BCAS3: variants seen among roughly 807,000 people sequenced by gnomAD.
The protein encoded by BCAS3 is BCAS4/BCAS3 fusion.
BCAS3 carries 53 observed loss-of-function variants against 116.1 expected under a neutral mutation model. The ratio of observed to expected loss-of-function variants is 0.46; its 90% CI spans 0.37 to 0.57. The LOEUF (loss-of-function observed/expected upper bound fraction) is 0.57, where lower values mean the gene tolerates loss of function less well. BCAS3 is among the 20% of genes least tolerant of loss of function. The pLI is 0.00. For synonymous variants in BCAS3, 391 were observed against 408.2 expected (o/e 0.96, Z 0.51); for missense variants, 917 against 1,165.4 (o/e 0.79, Z 3.10).
Position 61,013,843 on chromosome 17 carries a change from C to A in BCAS3, c.1487-1908C>A, listed in dbSNP as rs973870005. Among the ~76,000 whole-genome samples the A allele has an allele frequency of 6.6e-6, 1 of 152,082 alleles. No homozygotes were observed. The highest frequency in any genetic ancestry group is 2.4e-5 in the African/African-American group (1 of 41,436). On this transcript the variant is annotated intron_variant, in intron 15 of 23. Transcript: ENST00000407086. The surrounding 1 kb of genome is among the most constrained non-coding windows in gnomAD (Gnocchi z 4.4). ...AGTAACATTTGGTTAAGCCACTATC[C>A]TAATTCTGAAGCCACTGTCATCTTG...
intron 9 of BCAS3, among the ~76,000 whole-genome samples, chr17:60,876,007 C>T (rs926877325): frequency 6.6e-6 from 1 of 151,968 alleles, no homozygotes; most frequent in African/African-American, 2.4e-5. Flanking sequence ...TTATTATCTA[C>T]GTCTGAAAGA....
In BCAS3 at chr17:60,877,191, TAC is replaced by T. The variant is rs906524905; in HGVS notation, c.661+2461_661+2462del. On this transcript the variant is annotated intron_variant, in intron 9 of 23. Transcript: ENST00000407086. ...AAGAAATGATATATATATATATATA[TAC>T]ACACACATATATACATATATATGCA... 1.1e-4 allele frequency among the ~76,000 whole-genome samples: 15 copies of T among 141,234 alleles called. 1 individual carries two copies. The highest frequency in any genetic ancestry group is 8.8e-5 in the African/African-American group (3 of 34,124). The allele number at this position is 141,234 out of a possible 152,430, so 92.7% of individuals were successfully genotyped here.
chr17:61,111,057 A>C (rs2143735205), intron 22 of BCAS3, among the ~76,000 whole-genome samples: 1 of 151,426 alleles, frequency 6.6e-6, no homozygotes, highest in South Asian at 2.1e-4. Flanking sequence ...AACAAACAGA[A>C]AGGACATCCA....
rs910739005 is a variant in BCAS3 at position 61,316,995 on chromosome 17, T to C, written c.2426-51332T>C. 6.6e-6 allele frequency among the ~76,000 whole-genome samples: 1 copy of C among 152,220 alleles called. No homozygotes were observed. Among genetic ancestry groups the C allele is most frequent in the African/African-American group, 2.4e-5 (1 of 41,454 alleles). ...CTCTCACCTCAGACACTGATGGTAC[T>C]ATTAGAGTTCGGGAGGCTTCAACAG... On this transcript the variant is annotated intron_variant, in intron 22 of 23. Transcript: ENST00000407086. The surrounding 1 kb of genome is among the most constrained non-coding windows in gnomAD (Gnocchi z 5.8).
intron 6 of BCAS3, among the ~76,000 whole-genome samples, chr17:60,780,461 C>T (rs957134859): frequency 6.6e-6 from 1 of 151,984 alleles, no homozygotes; most frequent in Non-Finnish European, 1.5e-5. Context: ...CGCCACCATG[C>T]CTGGCTAATT....
chr17:60,879,371 T>C (rs2055905550), intron 9 of BCAS3, among the ~76,000 whole-genome samples: 1 of 152,202 alleles, frequency 6.6e-6, no homozygotes, highest in Non-Finnish European at 1.5e-5. Context: ...TAGAGACAGC[T>C]GTGTCCATCA....
chr17:61,221,601 C>T (rs963500288), intron 22 of BCAS3, among the ~76,000 whole-genome samples: 1 of 152,140 alleles, frequency 6.6e-6, no homozygotes, highest in Non-Finnish European at 1.5e-5. Context: ...AGTCTGTTTC[C>T]CCTTCACTTT....
At chr17:60,753,511 G>A (rs1233876862) in intron 6 of BCAS3, among the ~76,000 whole-genome samples, 16 of 151,770 alleles carry the variant, frequency 1.1e-4, no homozygotes, top group South Asian at 1.0e-3. Context: ...CCGGGTTCCC[G>A]CCATTCTCCT....
rs547299875 is a variant in BCAS3, at chr17:60,829,459, A to G, written c.476+21383A>G. Among the ~76,000 whole-genome samples, 35 of 150,786 alleles carry G rather than the reference A, an allele frequency of 2.3e-4. No individual in the cohort carries two copies. In the South Asian group the frequency reaches 7.3e-3, roughly 32 times the overall value. On this transcript the variant is annotated intron_variant, in intron 7 of 23. Transcript: ENST00000407086. ...CAGTGAGCTGAGATCACGCCACTGC[A>G]CTCCAGCGTGGACAATAGAGCAAGA...
intron 6 of BCAS3, among the ~76,000 whole-genome samples, chr17:60,753,979 C>T (rs1416487342): frequency 1.3e-5 from 2 of 152,052 alleles, no homozygotes; most frequent in African/African-American, 2.4e-5. Flanking sequence ...ATCTAGAATG[C>T]TACTTTGTAT....
chr17:61,039,598 T>G lies in BCAS3; in HGVS notation c.1929-1194T>G, dbSNP rs575692375. On this transcript the variant is annotated intron_variant, in intron 18 of 23. Transcript: ENST00000407086. ...CCACCACGCCAGCTAATTTTTTGTA[T>G]TTTTACTAGAGACAGGGTTTCACTG... 1.1e-4 allele frequency among the ~76,000 whole-genome samples: 17 copies of G among 152,238 alleles called. No homozygotes were observed. The East Asian group carries it at 3.1e-3, about 28-fold the overall frequency.
chr17:61,330,072 C>G (rs1299710073), intron 22 of BCAS3, among the ~76,000 whole-genome samples: 2 of 152,230 alleles, frequency 1.3e-5, no homozygotes, highest in South Asian at 2.1e-4. Context: ...TCTAGATGCC[C>G]GGAGGTCTCT....
intron 5 of BCAS3, among the ~76,000 whole-genome samples, chr17:60,738,301 G>A (rs2041180742): frequency 6.6e-6 from 1 of 152,152 alleles, no homozygotes; most frequent in African/African-American, 2.4e-5. Flanking sequence ...AGATAGAGGG[G>A]TGTTAGAGTC....
At chr17:61,054,518 C>G (rs945298878) in intron 19 of BCAS3, among the ~76,000 whole-genome samples, 2 of 152,148 alleles carry the variant, frequency 1.3e-5, no homozygotes, top group Admixed American at 1.3e-4. Context: ...AGGTGTGCAC[C>G]ACCATGCCTG....
At chr17:60,685,946 T>A (rs567348074) in intron 3 of BCAS3, among the ~76,000 whole-genome samples, 71 of 152,036 alleles carry the variant, frequency 4.7e-4, no homozygotes, top group African/African-American at 1.7e-3. Context: ...CTTGGCTCAC[T>A]GCAAGCTCTG....
rs762948076 is a variant in BCAS3 at position 61,235,679 on chromosome 17, AAAG to A, written c.2426-132643_2426-132641del. Among the ~76,000 whole-genome samples the A allele has an allele frequency of 2.2e-5, 3 of 138,582 alleles. No individual in the cohort carries two copies. The highest frequency in any genetic ancestry group is 4.6e-5 in the Non-Finnish European group (3 of 64,802). 90.9% of individuals were successfully genotyped at this position (138,582 alleles called of 152,430 possible). A position where few individuals can be genotyped will look rare whatever the true frequency, so the allele number is the denominator to read the frequency against. On this transcript the variant is annotated intron_variant, in intron 22 of 23. Coordinates refer to ENST00000407086, the MANE Select transcript of BCAS3 (RefSeq NM_017679.5). This position sits in a 1 kb window ranked among gnomAD's most constrained non-coding sequence, Gnocchi z 5.0. ...ACCTTTAAACTTTGTTTGAACTTGG[AAAG>A]AAGACTTTTGAATTGTTTAAAAAAA... is the stretch of plus-strand genomic sequence containing the variant.
intron 7 of BCAS3, among the ~76,000 whole-genome samples, chr17:60,865,226 C>T (rs750827273): frequency 6.6e-6 from 1 of 151,780 alleles, no homozygotes; most frequent in Non-Finnish European, 1.5e-5. Flanking sequence ...ATCTGTAAAG[C>T]ACAGTAAAGT....
intron 6 of BCAS3, among the ~76,000 whole-genome samples, chr17:60,765,697 T>G (rs111332417): frequency 0.27 from 41,684 of 152,072 alleles, 11,430 homozygotes; most frequent in African/African-American, 0.71. Context: ...AGGAGTATCT[T>G]TGTGGTGTTC....
At chr17:61,351,973 TG>T (rs1240764509) in intron 22 of BCAS3, among the ~76,000 whole-genome samples, 1 of 152,256 alleles carries the variant, frequency 6.6e-6, no homozygotes, top group African/African-American at 2.4e-5. Context: ...ACTGACTTTT[TG>T]CCAGCTCGTT....
Sources: allele counts gnomAD v4.1 joint callset (sites outside exome capture counted in the v4.1 genomes callset), GRCh38; gene constraint gnomAD v4.1.1; non-coding constraint Gnocchi (gnomAD v3.1); transcripts MANE v1.5; gene names NCBI Gene and HGNC (gene_info 2026-07-23, HGNC 2026-07-21).